CMSS1: variants seen among roughly 807,000 people sequenced by gnomAD.
The protein encoded by CMSS1 is protein CMSS1.
In CMSS1, 33 loss-of-function variants were observed where a neutral mutation model predicts 43.5. That is an observed-to-expected ratio of 0.76 (90% confidence interval 0.57 to 1.01). CMSS1 has a LOEUF of 1.01. CMSS1 is among the 50% of genes least tolerant of loss of function. The probability of loss-of-function intolerance (pLI) is 0.00; values close to 1 mark genes in which losing one functional copy is unlikely to be tolerated. For synonymous variants in CMSS1, 115 were observed against 117.2 expected, an observed-to-expected ratio of 0.98 and a Z score of 0.12; for missense variants, 313 against 326.4, an observed-to-expected ratio of 0.96 and a Z score of 0.32.
chr3:99,928,700 T>G, intron 1 of CMSS1, among the ~76,000 whole-genome samples: 1 of 152,198 alleles, frequency 6.6e-6, no homozygotes, highest in South Asian at 2.1e-4. Flanking sequence ...TTTGTTAGGG[T>G]TATGTTCAGA....
chr3:99,983,464 G>GTATGTA (rs1709219766), intron 1 of CMSS1, among the ~76,000 whole-genome samples: 1 of 12,676 alleles, frequency 7.9e-5, no homozygotes, highest in Non-Finnish European at 1.7e-4. Flanking sequence ...ATATATGTGT[G>GTATGTA]TATATATATA....
At chr3:100,049,826 A>G (rs543788538) in intron 1 of CMSS1, among the ~76,000 whole-genome samples, 1 of 152,350 alleles carries the variant, frequency 6.6e-6, no homozygotes, top group Admixed American at 6.5e-5. Context: ...TATATATACA[A>G]CATACAAAAT....
rs190487059 is a variant in CMSS1, at chr3:99,823,957, C to G, written c.64+5914C>G. Reference sequence around the variant, plus strand: ...TTTTTTTTTGAGCTGGAGTCTCGCCCTGTCACCCAGGCTAGAGTGCAGTGG... The same window carrying G: ...TTTTTTTTTGAGCTGGAGTCTCGCCGTGTCACCCAGGCTAGAGTGCAGTGG... On this transcript the variant is annotated intron_variant, in intron 1 of 9. Transcript: ENST00000421999. 7.7e-4 allele frequency among the ~76,000 whole-genome samples: 116 copies of G among 151,106 alleles called. 3 individuals are homozygous for G. The East Asian group carries it at 0.02, about 26-fold the overall frequency.
chr3:100,035,147 A>G (rs1049726754), intron 1 of CMSS1, among the ~76,000 whole-genome samples: 3 of 152,330 alleles, frequency 2.0e-5, no homozygotes, highest in Admixed American at 2.0e-4. Flanking sequence ...TGTGCTTTCT[A>G]GGATTATTAG....
chr3:99,978,911 GA>G (rs1451317824), intron 1 of CMSS1, among the ~76,000 whole-genome samples: 3 of 152,070 alleles, frequency 2.0e-5, no homozygotes, highest in African/African-American at 7.2e-5. Context: ...CAGAAGTAGG[GA>G]GTAGAACAGT....
intron 1 of CMSS1, among the ~76,000 whole-genome samples, chr3:99,844,756 G>A (rs1323960973): frequency 2.0e-5 from 3 of 152,140 alleles, no homozygotes; most frequent in Non-Finnish European, 2.9e-5. Context: ...ATCCCCGTTT[G>A]GATCGTGGGG....
chr3:99,927,373 T>G (rs1018667253), intron 1 of CMSS1, among the ~76,000 whole-genome samples: 2 of 138,282 alleles, frequency 1.4e-5, no homozygotes, highest in East Asian at 2.1e-4. Context: ...TTTCTTTCTG[T>G]TTTTTTTTTT....
At chr3:99,912,338 G>T (rs1706817382) in intron 1 of CMSS1, among the ~76,000 whole-genome samples, 1 of 152,142 alleles carries the variant, frequency 6.6e-6, no homozygotes, top group Non-Finnish European at 1.5e-5. Flanking sequence ...TCTAGCGGCT[G>T]TAGTGTCACT....
intron 1 of CMSS1, 67 bp from the exon 2 acceptor site, chr3:100,146,906 G>A: frequency 1.9e-6 from 3 of 1,545,384 alleles, no homozygotes; most frequent in East Asian, 2.4e-5. Flanking sequence ...CTAGAAAGAT[G>A]GTACCAAGAT....
chr3:99,965,777 G>C (rs571739349), intron 1 of CMSS1, among the ~76,000 whole-genome samples: 1 of 152,180 alleles, frequency 6.6e-6, no homozygotes, highest in Non-Finnish European at 1.5e-5. Flanking sequence ...AGGTCATTAG[G>C]GGGAGGGTGT....
intron 1 of CMSS1, among the ~76,000 whole-genome samples, chr3:99,934,826 C>T (rs1429109299): frequency 6.6e-6 from 1 of 152,178 alleles, no homozygotes; most frequent in Non-Finnish European, 1.5e-5. Context: ...TGACCTGAAA[C>T]ATTTTTATAC....
At chr3:100,015,844 T>C (rs1576643017) in intron 1 of CMSS1, among the ~76,000 whole-genome samples, 1 of 152,206 alleles carries the variant, frequency 6.6e-6, no homozygotes, top group African/African-American at 2.4e-5. Flanking sequence ...CTATCACATA[T>C]GATCATTGTA....
chr3:100,161,769 G>A (rs1259667459), intron 3 of CMSS1, among the ~76,000 whole-genome samples: 1 of 152,106 alleles, frequency 6.6e-6, no homozygotes, highest in Non-Finnish European at 1.5e-5. Flanking sequence ...TTTGCATAGG[G>A]CCACTTTAAT....
At chr3:99,979,255 T>C (rs149628429) in intron 1 of CMSS1, among the ~76,000 whole-genome samples, 139 of 152,294 alleles carry the variant, frequency 9.1e-4, no homozygotes, top group African/African-American at 3.1e-3. Context: ...ACCACAATAT[T>C]TTTTTGAATG....
At chr3:99,977,398 AGAGTATTT>A (rs1239027369) in intron 1 of CMSS1, among the ~76,000 whole-genome samples, 2 of 152,314 alleles carry the variant, frequency 1.3e-5, no homozygotes, top group African/African-American at 2.4e-5. Flanking sequence ...AAACAAAGTA[AGAGTATTT>A]CTGTGGTTCA....
intron 1 of CMSS1, among the ~76,000 whole-genome samples, chr3:99,985,387 C>T (rs1709308034): frequency 6.6e-6 from 1 of 151,912 alleles, no homozygotes; most frequent in Non-Finnish European, 1.5e-5. Flanking sequence ...GAAAAATTAG[C>T]TGGGCATGGT....
intron 1 of CMSS1, among the ~76,000 whole-genome samples, chr3:100,137,134 G>C (rs914720665): frequency 6.6e-6 from 1 of 152,252 alleles, no homozygotes; most frequent in African/African-American, 2.4e-5. Flanking sequence ...GGTTCTTGAA[G>C]AGTAGTTCCC....
intron 1 of CMSS1, chr3:99,924,255 A>G: frequency 6.2e-7 from 1 of 1,614,014 alleles, no homozygotes; most frequent in Non-Finnish European, 8.5e-7. Flanking sequence ...TCTAGTAGGC[A>G]TATGAATTCA....
chr3:100,068,491 T>G (rs2065705756), intron 1 of CMSS1, among the ~76,000 whole-genome samples: 1 of 152,164 alleles, frequency 6.6e-6, no homozygotes, highest in South Asian at 2.1e-4. Context: ...ATGTAAATAT[T>G]CATACATCTT....
Sources: allele counts gnomAD v4.1 joint callset (sites outside exome capture counted in the v4.1 genomes callset), GRCh38; gene constraint gnomAD v4.1.1; transcripts MANE v1.5; gene names NCBI Gene and HGNC (gene_info 2026-07-23, HGNC 2026-07-21).